The following ITGB5 variants were observed in gnomAD, a reference collection of about 807,000 sequenced individuals.
ITGB5 encodes integrin subunit beta 5, also known as integrin beta-5.
ITGB5 carries 38 observed loss-of-function variants against 84.8 expected under a neutral mutation model. That is an observed-to-expected ratio of 0.45 (90% confidence interval 0.35 to 0.59). The LOEUF (loss-of-function observed/expected upper bound fraction) is 0.59. Ranked by LOEUF, ITGB5 falls within the 20% of genes least tolerant of loss-of-function variation. The pLI, the probability that ITGB5 is intolerant of heterozygous loss-of-function variation, is 0.01. For missense variants in ITGB5, 905 were observed against 1,034.5 expected (o/e 0.87, Z 1.72); for synonymous variants, 393 against 414.4 (o/e 0.95, Z 0.63).
intron 8 of ITGB5, chr3:124,809,404 C>T: frequency 2.1e-6 from 1 of 483,000 alleles, no homozygotes; most frequent in Middle Eastern, 5.7e-4. Context: ...AGTGGTTGAC[C>T]TGCCATATGA....
chr3:124,892,763 TAAAC>T (rs1225571620), intron 1 of ITGB5, among the ~76,000 whole-genome samples: 2 of 143,648 alleles, frequency 1.4e-5, no homozygotes, highest in South Asian at 2.3e-4. Flanking sequence ...TAAAAATAAA[TAAAC>T]AAAAAAACTT....
At chr3:124,768,131 TCTAC>T (rs1375720412) in intron 12 of ITGB5, among the ~76,000 whole-genome samples, 2 of 152,026 alleles carry the variant, frequency 1.3e-5, no homozygotes, top group African/African-American at 2.4e-5. Context: ...AACAAGGAAG[TCTAC>T]AAAAGATGTA....
At chr3:124,877,417 T>A (rs1471436185) in intron 1 of ITGB5, among the ~76,000 whole-genome samples, 1 of 152,020 alleles carries the variant, frequency 6.6e-6, no homozygotes, top group African/African-American at 2.4e-5. Flanking sequence ...GGAAAAAAAA[T>A]AAATCTAGAA....
At chr3:124,832,450 C>A (rs1429478671) in intron 5 of ITGB5, among the ~76,000 whole-genome samples, 2 of 152,202 alleles carry the variant, frequency 1.3e-5, no homozygotes. Flanking sequence ...GTGAAAGAAA[C>A]CCTGTTAAAT....
At chr3:124,851,817 G>A (rs965334096) in intron 3 of ITGB5, among the ~76,000 whole-genome samples, 2 of 152,086 alleles carry the variant, frequency 1.3e-5, no homozygotes, top group African/African-American at 4.8e-5. Flanking sequence ...AATAGGCCGT[G>A]GCAATGACAG....
chr3:124,805,325 G>C (rs991357224), intron 9 of ITGB5, among the ~76,000 whole-genome samples: 2 of 150,658 alleles, frequency 1.3e-5, no homozygotes, highest in South Asian at 4.2e-4. Flanking sequence ...GTATTTTTGG[G>C]GGAGACTGGG....
intron 5 of ITGB5, among the ~76,000 whole-genome samples, chr3:124,836,740 T>G (rs1008146263): frequency 3.3e-5 from 5 of 152,210 alleles, no homozygotes; most frequent in Non-Finnish European, 7.3e-5. Context: ...ACGGCTCCTC[T>G]GAGGCTGTGG....
chr3:124,819,492 A>C (rs759805315), intron 7 of ITGB5, among the ~76,000 whole-genome samples: 5 of 152,242 alleles, frequency 3.3e-5, no homozygotes, highest in Non-Finnish European at 7.3e-5. Flanking sequence ...CACCCAAAAA[A>C]ATGGGAATTC....
At chr3:124,837,752 G>A (rs1423019679) in intron 5 of ITGB5, among the ~76,000 whole-genome samples, 1 of 152,208 alleles carries the variant, frequency 6.6e-6, no homozygotes, top group African/African-American at 2.4e-5. Context: ...AGGGAAACAA[G>A]AATGAGAATA....
intron 5 of ITGB5, among the ~76,000 whole-genome samples, chr3:124,831,562 C>G (rs1311848050): frequency 1.3e-5 from 2 of 152,170 alleles, no homozygotes; most frequent in Non-Finnish European, 2.9e-5. Context: ...ACTCAGCTGT[C>G]GGAAAACACA....
intron 1 of ITGB5, among the ~76,000 whole-genome samples, chr3:124,893,976 T>A (rs1434226182): frequency 6.6e-6 from 1 of 152,182 alleles, no homozygotes; most frequent in Non-Finnish European, 1.5e-5. Context: ...CCGAAAATAC[T>A]CATTAATTAT....
At chr3:124,861,047 C>A (rs571401573) in intron 2 of ITGB5, among the ~76,000 whole-genome samples, 9 of 152,130 alleles carry the variant, frequency 5.9e-5, no homozygotes, top group African/African-American at 2.2e-4. Flanking sequence ...GCCTGGGCGA[C>A]AGAGCAAGAG....
At chr3:124,780,307 C>T (rs780312002) in intron 10 of ITGB5, among the ~76,000 whole-genome samples, 14 of 152,148 alleles carry the variant, frequency 9.2e-5, no homozygotes, top group African/African-American at 2.4e-4. Context: ...CTAGCAGGAC[C>T]GCAGTGGGGC....
chr3:124,876,113 C>T (rs1366524092), intron 1 of ITGB5, among the ~76,000 whole-genome samples: 1 of 152,066 alleles, frequency 6.6e-6, no homozygotes, highest in African/African-American at 2.4e-5. Flanking sequence ...ATGTATTGCA[C>T]ACTTGAGAAT....
chr3:124,763,822 C>T, intron 14 of ITGB5, 104 bp from the exon 15 acceptor site: 1 of 657,508 alleles, frequency 1.5e-6, no homozygotes, highest in Non-Finnish European at 2.8e-6. Context: ...CCCCCTGCGA[C>T]AGCAGCAGGC....
chr3:124,888,657 G>A (rs973912374), upstream of ITGB5, among the ~76,000 whole-genome samples: 4 of 152,224 alleles, frequency 2.6e-5, no homozygotes, highest in African/African-American at 7.2e-5. Flanking sequence ...GAGGGACAGA[G>A]GGGTTAACTG....
At chr3:124,843,181 T>C (rs544356312) in intron 4 of ITGB5, among the ~76,000 whole-genome samples, 4 of 152,292 alleles carry the variant, frequency 2.6e-5, no homozygotes, top group East Asian at 1.9e-4. Flanking sequence ...AGAACAATCA[T>C]GGAAATTACA....
intron 1 of ITGB5, among the ~76,000 whole-genome samples, chr3:124,885,496 T>TA (rs1934762176): frequency 6.6e-6 from 1 of 152,122 alleles, no homozygotes; most frequent in Non-Finnish European, 1.5e-5. Context: ...TTGCCAAAAT[T>TA]AAAAACTACT....
chr3:124,829,356 C>T (rs149165379), intron 5 of ITGB5, among the ~76,000 whole-genome samples: 2 of 152,350 alleles, frequency 1.3e-5, no homozygotes, highest in African/African-American at 4.8e-5. Context: ...GCGTTAGGAG[C>T]GCGTGGGGCG....
Sources: allele counts gnomAD v4.1 joint callset (sites outside exome capture counted in the v4.1 genomes callset), GRCh38; gene constraint gnomAD v4.1.1; transcripts MANE v1.5; gene names NCBI Gene and HGNC (gene_info 2026-07-23, HGNC 2026-07-21).